SPARC: variants seen among roughly 807,000 people sequenced by gnomAD.
SPARC encodes the protein secreted protein acidic and cysteine rich, also known as basement-membrane protein 40.
A neutral mutation model predicts 37.7 loss-of-function variants in SPARC; 23 were observed. The observed-to-expected ratio is 0.61, with a 90% CI of 0.44 to 0.87. SPARC has a LOEUF of 0.87. Among genes scored for constraint, SPARC ranks in the 40% least tolerant of loss-of-function variants. The pLI is 0.00. For synonymous variants in SPARC, 155 were observed against 150.8 expected, an observed-to-expected ratio of 1.03 and a Z score of -0.20; for missense variants, 312 against 389.0, an observed-to-expected ratio of 0.80 and a Z score of 1.66.
rs11746883 is a variant in SPARC at position 151,676,482 on chromosome 5, G to A, written c.-13-281C>T. Among the ~76,000 whole-genome samples, 4,758 of 152,252 alleles carry A rather than the reference G, an allele frequency of 0.031. 104 individuals are homozygous for A. The highest frequency in any genetic ancestry group is 0.045 in the Non-Finnish European group (3,091 of 68,018). On this transcript the variant is annotated intron_variant, in intron 1 of 9. Coordinates refer to ENST00000231061, the MANE Select transcript of SPARC (RefSeq NM_003118.4). ...CTCCAGCTCAGAGCTTCCACAGGAA[G>A]TTATATCCAGCTGGAACTGAATCAA...
intron 2 of SPARC, 115 bp from the exon 3 acceptor site, chr5:151,674,789 G>T: frequency 1.0e-6 from 1 of 959,108 alleles, no homozygotes; most frequent in Non-Finnish European, 1.6e-6. Context: ...GCTTACTGGA[G>T]ATCCCCAAAG....
intron 1 of SPARC, chr5:151,679,473 T>G (rs1490403521): frequency 1.3e-5 from 2 of 152,324 alleles, no homozygotes; most frequent in Non-Finnish European, 2.9e-5. Flanking sequence ...TGGGGCTCAG[T>G]TGGGCCTTGA....
In SPARC at chr5:151,671,819, C is replaced by G; in HGVS notation, c.209-125G>C. The G allele has an allele frequency of 4.8e-6, 6 of 1,260,248 alleles. No individual in the cohort carries two copies. The South Asian group carries it at 8.6e-5, about 18-fold the overall frequency. 78.1% of individuals were successfully genotyped at this position (1,260,248 alleles called of 1,614,324 possible). A position where few individuals can be genotyped will look rare whatever the true frequency, so the allele number is the denominator to read the frequency against. On this transcript the variant is annotated intron_variant, in intron 4 of 9. Coordinates refer to ENST00000231061, the MANE Select transcript of SPARC (RefSeq NM_003118.4). Reference sequence around the variant, plus strand: ...GCCCCCACTCTGGGCTTTGGACAGCCCTGAGTCCTGCCTGCTCTTGCACTG... The same window carrying G: ...GCCCCCACTCTGGGCTTTGGACAGCGCTGAGTCCTGCCTGCTCTTGCACTG...
intron 7 of SPARC, 124 bp from the exon 8 acceptor site, chr5:151,666,633 G>A (rs1760629605): frequency 2.5e-6 from 2 of 784,864 alleles, no homozygotes; most frequent in South Asian, 1.9e-5. Context: ...CTCACAGCGA[G>A]GGGAGGGAGG....
intron 1 of SPARC, among the ~76,000 whole-genome samples, chr5:151,678,627 C>T (rs1267190371): frequency 6.6e-6 from 1 of 152,170 alleles, no homozygotes; most frequent in Non-Finnish European, 1.5e-5. Context: ...AGTCATGCAA[C>T]AATTCAGGCC....
chr5:151,669,405 G>T (rs952704717), intron 6 of SPARC, among the ~76,000 whole-genome samples: 1 of 152,240 alleles, frequency 6.6e-6, no homozygotes, highest in African/African-American at 2.4e-5. Context: ...TCAGATGCTA[G>T]TGAGAGACTC....
intron 4 of SPARC, chr5:151,671,972 A>G: frequency 7.4e-6 from 3 of 402,796 alleles, no homozygotes; most frequent in East Asian, 9.3e-5. Context: ...ACTAGATACC[A>G]TATGGCTTTC....
intron 1 of SPARC, 24 bp from the exon 2 acceptor site, chr5:151,676,225 T>C (rs1395665961): frequency 1.1e-5 from 17 of 1,552,990 alleles, no homozygotes; most frequent in Non-Finnish European, 1.5e-5. Flanking sequence ...AGATTGAGAG[T>C]TCAGTGAGGG....
intron 1 of SPARC, among the ~76,000 whole-genome samples, chr5:151,683,609 T>C (rs1383453632): frequency 6.6e-6 from 1 of 152,226 alleles, no homozygotes; most frequent in Non-Finnish European, 1.5e-5. Flanking sequence ...TGACTGTGCA[T>C]ATGTTTGACT....
At chr5:151,674,130 G>A (rs1760807649) in intron 3 of SPARC, among the ~76,000 whole-genome samples, 1 of 152,002 alleles carries the variant, frequency 6.6e-6, no homozygotes, top group African/African-American at 2.4e-5. Flanking sequence ...TCCTACCTCA[G>A]CCTCCCGAGT....
Position 151,676,139 on chromosome 5 carries a change from G to A in SPARC, c.50C>T (p.Ala17Val). Reference protein sequence around the residue: ...FLLCLAGRALAAPQQEALPDE... With the variant: ...FLLCLAGRALVAPQQEALPDE... ...TGATATTTAGGTACTTACAGGGGCT[G>A]CCAAGGCCCTCCCGGCCAGGCAAAG... The change falls in exon 2 of 10, where the codon GCA (alanine) becomes GTA (valine). Residue 17 changes from alanine (A) to valine (V), a missense_variant. Physicochemically the swap from Ala to Val is moderately conservative, Grantham distance 64. Coordinates refer to ENST00000231061, the MANE Select transcript of SPARC (RefSeq NM_003118.4). 6.2e-7 allele frequency: 1 copy of A among 1,611,368 alleles called. No homozygotes were observed.
chr5:151,684,044 T>C (rs892869448), intron 1 of SPARC, among the ~76,000 whole-genome samples: 2 of 152,210 alleles, frequency 1.3e-5, no homozygotes, highest in Admixed American at 6.5e-5. Context: ...CACCATTCTT[T>C]CTTATTTATA....
chr5:151,684,604 GA>G (rs746262776), intron 1 of SPARC, among the ~76,000 whole-genome samples: 3,974 of 112,758 alleles, frequency 0.035, 59 homozygotes, highest in East Asian at 0.085. Flanking sequence ...GAGCTGCCAG[GA>G]AAAAAAAAAA....
At chr5:151,669,867 G>A (rs1198338206) in intron 5 of SPARC, 83 bp from the exon 6 acceptor site, 1 of 1,534,934 alleles carries the variant, frequency 6.5e-7, no homozygotes. Context: ...TTCAGAGATG[G>A]GGACACTGAG....
rs1170642757 is a variant in SPARC at position 151,686,245 on chromosome 5, A to G, written c.-14+620T>C. The G allele has an allele frequency of 2.0e-5, 3 of 152,350 alleles. No homozygotes were observed. In the East Asian group the frequency reaches 5.8e-4, roughly 29 times the overall value. The allele number at this position is 152,350 out of a possible 1,614,324, so 9.4% of individuals were successfully genotyped here. ...CCAAGACTGAGGTTGTGATGGTGCC[A>G]TTTCAGGCAGAATGGTGCTGAAATT... On this transcript the variant is annotated intron_variant, in intron 1 of 9. Transcript: ENST00000231061.
intron 1 of SPARC, chr5:151,679,799 T>G (rs1184207660): frequency 6.6e-6 from 1 of 152,200 alleles, no homozygotes; most frequent in African/African-American, 2.4e-5. Flanking sequence ...GGGCTCTCCT[T>G]GGACGTTAAA....
chr5:151,676,184 C>G lies in SPARC; in HGVS notation c.5G>C (p.Arg2Thr). 1 of 1,611,196 alleles carries G rather than the reference C, an allele frequency of 6.2e-7. No individual in the cohort carries two copies. The highest frequency in any genetic ancestry group is 8.5e-7 in the Non-Finnish European group (1 of 1,178,966). Residue 2 changes from arginine (R) to threonine (T), a missense_variant, in exon 2 of 10, where the codon AGG (arginine) becomes ACG (threonine). By Grantham distance (71) the Arg-to-Thr change is moderately conservative. Transcript: ENST00000231061. ...GCAAAGGAGAAAGAAGATCCAGGCCCTCATGGTGCTGGGAACCCTATGGGG... is the reference window on the plus strand; with the variant it reads ...GCAAAGGAGAAAGAAGATCCAGGCCGTCATGGTGCTGGGAACCCTATGGGG... Reference protein sequence around the residue: MRAWIFFLLCLA... With the variant: MTAWIFFLLCLA...
At chr5:151,681,336 C>T (rs1452850228) in intron 1 of SPARC, among the ~76,000 whole-genome samples, 6 of 152,292 alleles carry the variant, frequency 3.9e-5, no homozygotes, top group Admixed American at 6.5e-5. Flanking sequence ...GGCCTCATGA[C>T]GTGGAAGTCA....
chr5:151,678,895 C>T (rs999957674), intron 1 of SPARC, among the ~76,000 whole-genome samples: 9 of 148,466 alleles, frequency 6.1e-5, no homozygotes, highest in Non-Finnish European at 1.2e-4. Context: ...GGAAGGGAAG[C>T]GGCTGAACTA....
Sources: gnomAD v4.1 joint callset for allele counts (sites outside exome capture counted in the v4.1 genomes callset) on GRCh38, gnomAD v4.1.1 for gene constraint, MANE v1.5 for transcripts, NCBI Gene and HGNC (gene_info 2026-07-23, HGNC 2026-07-21) for gene names.